TRMT9B: variants seen among roughly 807,000 people sequenced by gnomAD.
TRMT9B encodes tRNA methyltransferase 9B (putative).
Under a neutral mutation model 11.5 loss-of-function variants are expected in TRMT9B, and 16 were observed. The ratio of observed to expected loss-of-function variants is 1.39; its 90% CI spans 0.94 to 2.11. TRMT9B has a LOEUF of 2.11. TRMT9B is among the 30% of genes most tolerant of loss of function. The pLI is 0.00. For missense variants in TRMT9B, 941 were observed against 553.8 expected (o/e 1.70, Z -7.02); for synonymous variants, 274 against 192.4 (o/e 1.42, Z -3.51).
chr8:12,983,087 G>C (rs1805680312), intron 1 of TRMT9B, among the ~76,000 whole-genome samples: 1 of 152,166 alleles, frequency 6.6e-6, no homozygotes, highest in Non-Finnish European at 1.5e-5. Context: ...GTGGTGTAAA[G>C]ATATTGTTGA....
At chr8:13,004,537 C>A (rs910696847) in intron 2 of TRMT9B, among the ~76,000 whole-genome samples, 4 of 152,018 alleles carry the variant, frequency 2.6e-5, no homozygotes, top group Non-Finnish European at 2.9e-5. Flanking sequence ...CCCTACCCCC[C>A]AGATGATATT....
intron 3 of TRMT9B, among the ~76,000 whole-genome samples, chr8:13,009,361 C>T (rs959197402): frequency 1.3e-5 from 2 of 152,020 alleles, no homozygotes; most frequent in African/African-American, 4.8e-5. Context: ...AAACTATCAA[C>T]AAGTCACAAG....
intron 1 of TRMT9B, among the ~76,000 whole-genome samples, chr8:12,987,128 G>C (rs534958032): frequency 2.6e-5 from 4 of 152,136 alleles, no homozygotes; most frequent in African/African-American, 9.7e-5. Flanking sequence ...TTAAGAGTGC[G>C]AACGCTAGGG....
chr8:13,011,836 A>G, intron 3 of TRMT9B: 1 of 969,012 alleles, frequency 1.0e-6, no homozygotes, highest in Non-Finnish European at 1.2e-6. Flanking sequence ...ATTGGATAAA[A>G]ACAATGTTAA....
chr8:12,969,260 C>T (rs1803251826), intron 1 of TRMT9B, among the ~76,000 whole-genome samples: 1 of 152,144 alleles, frequency 6.6e-6, no homozygotes, highest in Non-Finnish European at 1.5e-5. Context: ...CTCTTCATTA[C>T]ACAGGTTTCC....
intron 1 of TRMT9B, among the ~76,000 whole-genome samples, chr8:12,978,862 A>G (rs1804890775): frequency 6.6e-6 from 1 of 152,180 alleles, no homozygotes; most frequent in East Asian, 1.9e-4. Flanking sequence ...AATAAACTCA[A>G]TATAGTCTAT....
chr8:13,010,591 G>A (rs1246266271), intron 3 of TRMT9B: 1 of 985,178 alleles, frequency 1.0e-6, no homozygotes, highest in African/African-American at 1.7e-5. Flanking sequence ...TAGGGCACTG[G>A]AAGCATGTCA....
chr8:13,019,594 C>T (rs375470656), intron 4 of TRMT9B, among the ~76,000 whole-genome samples: 4 of 152,284 alleles, frequency 2.6e-5, no homozygotes, highest in Admixed American at 6.5e-5. Context: ...GCACACAGCA[C>T]GGGAGATATT....
At chr8:13,019,683 C>T (rs1585418822) in intron 4 of TRMT9B, among the ~76,000 whole-genome samples, 1 of 152,270 alleles carries the variant, frequency 6.6e-6, no homozygotes, top group African/African-American at 2.4e-5. Context: ...GCTATACCTC[C>T]TTAGCTTAGT....
chr8:12,998,624 G>T (rs1209295866), intron 2 of TRMT9B, among the ~76,000 whole-genome samples: 1 of 152,198 alleles, frequency 6.6e-6, no homozygotes, highest in Non-Finnish European at 1.5e-5. Flanking sequence ...CCGTCTTGAG[G>T]ACATTTAGTT....
At chr8:12,971,989 C>T (rs996690818) in intron 1 of TRMT9B, among the ~76,000 whole-genome samples, 1 of 152,080 alleles carries the variant, frequency 6.6e-6, no homozygotes, top group Non-Finnish European at 1.5e-5. Context: ...TAGCCAAATA[C>T]TGAAAAGAAA....
Position 13,026,783 on chromosome 8 carries a change from A to G in TRMT9B, c.*4739A>G, listed in dbSNP as rs1814737154. The G allele has an allele frequency of 6.0e-6, 1 of 166,928 alleles. No homozygotes were observed. The highest frequency in any genetic ancestry group is 1.5e-5 in the Non-Finnish European group (1 of 68,068). 10.3% of individuals were successfully genotyped at this position (166,928 alleles called of 1,614,324 possible). A position where few individuals can be genotyped will look rare whatever the true frequency, so the allele number is the denominator to read the frequency against. On this transcript the variant is annotated 3_prime_UTR_variant, in exon 5 of 5. Coordinates refer to ENST00000524591, the MANE Select transcript of TRMT9B (RefSeq NM_020844.3). Reference sequence around the variant, plus strand: ...CTCCTAGTCTCTGCTCTTAACCACAACACCATATACTCCCACCCCTGGGCC... The same window carrying G: ...CTCCTAGTCTCTGCTCTTAACCACAGCACCATATACTCCCACCCCTGGGCC...
Position 12,990,963 on chromosome 8 carries a change from C to T in TRMT9B, c.-70C>T. 2.3e-6 allele frequency: 3 copies of T among 1,288,624 alleles called. No homozygotes were observed. Among genetic ancestry groups the T allele is most frequent in the Non-Finnish European group, 3.0e-6 (3 of 988,160 alleles). The allele number at this position is 1,288,624 out of a possible 1,614,324, so 79.8% of individuals were successfully genotyped here. A position where few individuals can be genotyped will look rare whatever the true frequency, so the allele number is the denominator to read the frequency against. Reference sequence around the variant, plus strand: ...AGTTATGAGAAGCAACTGTCACTCTCTGGAGGTGGAGACTGCCGTGATTCA... The same window carrying T: ...AGTTATGAGAAGCAACTGTCACTCTTTGGAGGTGGAGACTGCCGTGATTCA... On this transcript the variant is annotated 5_prime_UTR_variant, in exon 2 of 5. Coordinates refer to ENST00000524591, the MANE Select transcript of TRMT9B (RefSeq NM_020844.3).
intron 1 of TRMT9B, chr8:12,952,457 G>C (rs955828068): frequency 1.1e-5 from 3 of 276,178 alleles, no homozygotes; most frequent in African/African-American, 6.9e-5. Context: ...AGACAGCCAT[G>C]CAGTAAGGGA....
chr8:12,969,681 T>C (rs1313446450), intron 1 of TRMT9B, among the ~76,000 whole-genome samples: 1 of 151,864 alleles, frequency 6.6e-6, no homozygotes, highest in East Asian at 1.9e-4. Context: ...CTTCTTTTTT[T>C]AGAGAGTGAG....
At chr8:12,964,627 T>C (rs7001296) in intron 1 of TRMT9B, among the ~76,000 whole-genome samples, 14,082 of 152,180 alleles carry the variant, frequency 0.093, 889 homozygotes, top group African/African-American at 0.17. Context: ...CAGGCTGGAG[T>C]GCAGTGGCAC....
At chr8:13,015,783 A>G (rs1812539814) in intron 4 of TRMT9B, among the ~76,000 whole-genome samples, 1 of 152,020 alleles carries the variant, frequency 6.6e-6, no homozygotes, top group South Asian at 2.1e-4. Flanking sequence ...TAAGTCCTCT[A>G]TTTTCAGTTT....
chr8:13,009,869 G>A (rs1276152634), intron 3 of TRMT9B, among the ~76,000 whole-genome samples: 3 of 152,046 alleles, frequency 2.0e-5, no homozygotes, highest in Non-Finnish European at 4.4e-5. Context: ...TATCTCACAC[G>A]TGTAATCCTA....
At chr8:12,973,794 T>G (rs1374602023) in intron 1 of TRMT9B, among the ~76,000 whole-genome samples, 2 of 152,172 alleles carry the variant, frequency 1.3e-5, no homozygotes, top group African/African-American at 2.4e-5. Flanking sequence ...AAACACTTCA[T>G]GAATGAGAAC....
Sources: gnomAD v4.1 joint callset for allele counts (sites outside exome capture counted in the v4.1 genomes callset) on GRCh38, gnomAD v4.1.1 for gene constraint, MANE v1.5 for transcripts, NCBI Gene and HGNC (gene_info 2026-07-23, HGNC 2026-07-21) for gene names.